PRPF8: variants seen among roughly 807,000 people sequenced by gnomAD.
PRPF8 encodes pre-mRNA-processing-splicing factor 8.
A neutral mutation model predicts 285.9 loss-of-function variants in PRPF8; 64 were observed. The observed-to-expected ratio is 0.22, with a 90% CI of 0.18 to 0.28. The LOEUF is 0.28. PRPF8 is among the 10% of genes least tolerant of loss of function. The probability of loss-of-function intolerance (pLI) is 1.00; values close to 1 mark genes in which losing one functional copy is unlikely to be tolerated. For missense variants in PRPF8, 1,426 were observed against 3,026.7 expected (o/e 0.47, Z 12.41); for synonymous variants, 1,325 against 1,118.2 (o/e 1.18, Z -3.69).
chr17:1,669,427 C>T (rs531693111), intron 24 of PRPF8, among the ~76,000 whole-genome samples: 1 of 152,238 alleles, frequency 6.6e-6, no homozygotes, highest in East Asian at 1.9e-4. Context: ...TTCTCTTGTA[C>T]ACTCAACTGC....
chr17:1,673,123 C>G lies in PRPF8; in HGVS notation c.3732G>C (p.Val1244=), dbSNP rs752174610. The part of the protein sequence containing the change: ...DESMQRFHNR[V]RQILMASGST... ...ACCCAGAGGCCATGAGAATCTGACG[C>G]ACGCGGTTGTGGAAGCGCTGCATTG... Residue 1244 remains valine (V), a synonymous_variant, in exon 24 of 43, where the codon GTG becomes GTC. Coordinates refer to ENST00000304992, the MANE Select transcript of PRPF8 (RefSeq NM_006445.4). The surrounding 1 kb of genome is among the most constrained non-coding windows in gnomAD (Gnocchi z 5.5). 2 of 1,614,234 alleles carry G rather than the reference C, an allele frequency of 1.2e-6. No homozygotes were observed. Among genetic ancestry groups the G allele is most frequent in the Admixed American group, 3.3e-5 (2 of 60,024 alleles).
At chr17:1,672,983 G>A (rs1002026641) in intron 24 of PRPF8, 98 bp downstream of exon 24, 3 of 1,119,368 alleles carry the variant, frequency 2.7e-6, no homozygotes, top group African/African-American at 1.5e-5. Flanking sequence ...AAGCAAAGAA[G>A]AGAAGGAAGC....
intron 24 of PRPF8, among the ~76,000 whole-genome samples, chr17:1,671,850 C>CAAAA (rs1225346730): frequency 2.0e-5 from 1 of 49,816 alleles, no homozygotes; most frequent in African/African-American, 7.4e-5. Context: ...GACTCCATCT[C>CAAAA]AAAAAAAAAA....
In PRPF8 at chr17:1,658,490, A is replaced by G. The variant is rs538232982; in HGVS notation, c.5376+36T>C. On this transcript the variant is annotated intron_variant, in intron 33 of 42. Transcript: ENST00000304992. The surrounding 1 kb of genome is among the most constrained non-coding windows in gnomAD (Gnocchi z 4.1). ...CCATTACTCTCCCACAGCCATGTAC[A>G]GAGTCCCGCACCTATACACTGCTGC... 9.3e-6 allele frequency: 15 copies of G among 1,613,014 alleles called. No individual in the cohort carries two copies. The African/African-American group carries it at 1.5e-4, about 16-fold the overall frequency.
intron 37 of PRPF8, chr17:1,654,299 C>G: frequency 1.7e-6 from 1 of 575,270 alleles, no homozygotes; most frequent in Admixed American, 3.0e-5. Flanking sequence ...TGGAACTGTT[C>G]TCAGAAATGG....
intron 8 of PRPF8, among the ~76,000 whole-genome samples, chr17:1,680,327 A>G (rs978552915): frequency 2.0e-5 from 3 of 152,228 alleles, no homozygotes; most frequent in African/African-American, 7.2e-5. Context: ...AGTAATAAAA[A>G]TATTCTCAAA....
intron 39 of PRPF8, chr17:1,652,284 G>GC: frequency 1.1e-5 from 3 of 283,744 alleles, no homozygotes; most frequent in South Asian, 1.1e-4. Flanking sequence ...TGTCAGCAAG[G>GC]CTGGAGTGCA....
At position 1,656,247 on chromosome 17, in the gene PRPF8, G is replaced by C. The variant is rs576767247; in HGVS notation, c.5793+145C>G. ...CCCAAGAGTTGATTTTTAACTTTAA[G>C]GTCTTAAACTCTCATGAAAGTCAAC... is the stretch of plus-strand genomic sequence containing the variant. On this transcript the variant is annotated intron_variant, in intron 36 of 42. Transcript: ENST00000304992. The C allele has an allele frequency of 4.9e-5, 53 of 1,077,074 alleles. 1 individual carries two copies. In the South Asian group the frequency reaches 6.4e-4, roughly 13 times the overall value. 66.7% of individuals were successfully genotyped at this position (1,077,074 alleles called of 1,614,324 possible).
At chr17:1,670,267 ATTTC>A (rs1041512730) in intron 24 of PRPF8, among the ~76,000 whole-genome samples, 11 of 152,144 alleles carry the variant, frequency 7.2e-5, no homozygotes, top group South Asian at 2.1e-4. Context: ...CCTAAACTAG[ATTTC>A]TTTATCTTCG....
In PRPF8 at chr17:1,676,896, G is replaced by A. The variant is rs1387691779; in HGVS notation, c.2181+80C>T. ...AAAGAAAAGAGATTGGAGCCAGATA[G>A]CCCCCTAATGATTCCCGAAGTGGTA... On this transcript the variant is annotated intron_variant, in intron 15 of 42. Coordinates refer to ENST00000304992, the MANE Select transcript of PRPF8 (RefSeq NM_006445.4). The surrounding 1 kb of genome is among the most constrained non-coding windows in gnomAD (Gnocchi z 6.3). The A allele has an allele frequency of 3.9e-6, 6 of 1,539,092 alleles. No homozygotes were observed. The highest frequency in any genetic ancestry group is 1.1e-5 in the South Asian group (1 of 89,558).
Position 1,679,450 on chromosome 17 carries a change from T to C in PRPF8, c.1290-40A>G. 1 of 1,611,836 alleles carries C rather than the reference T, an allele frequency of 6.2e-7. No homozygotes were observed. The highest frequency in any genetic ancestry group is 1.1e-5 in the South Asian group (1 of 90,992). ...CCACCAGAGTTTGGCCATCTCTTCT[T>C]CCAGACACTCTGCTAAAGGCTGCAA... is the stretch of plus-strand genomic sequence containing the variant. On this transcript the variant is annotated intron_variant, in intron 9 of 42. Coordinates refer to ENST00000304992, the MANE Select transcript of PRPF8 (RefSeq NM_006445.4). The surrounding 1 kb of genome is among the most constrained non-coding windows in gnomAD (Gnocchi z 4.7).
rs1209742977 is a variant in PRPF8 at position 1,659,936 on chromosome 17, T to G, written c.4851A>C (p.Arg1617=). The change falls in exon 31 of 43, where the codon CGA becomes CGC. Residue 1617 remains arginine (R), a synonymous_variant. Coordinates refer to ENST00000304992, the MANE Select transcript of PRPF8 (RefSeq NM_006445.4). The surrounding 1 kb of genome is among the most constrained non-coding windows in gnomAD (Gnocchi z 5.1). ...ETVQKETIHP[R]KSYKMNSSCA... ...AGGAAGAGTTCATCTTATATGACTT[T>G]CGGGGATGGATTGTCTCCTTTTGTA... 1.2e-6 allele frequency: 2 copies of G among 1,614,126 alleles called. No individual in the cohort carries two copies. The highest frequency in any genetic ancestry group is 2.2e-5 in the South Asian group (2 of 91,082).
chr17:1,683,607 A>G lies in PRPF8; in HGVS notation c.195T>C (p.His65=), dbSNP rs1913057093. ...CATGGTCTCGAATGATCTTCCTGAC[A>G]TGTTCTGGGGGCATGTCTTCCTTCT... ...DAQKEDMPPE[H]VRKIIRDHGD... The change falls in exon 3 of 43, where the codon CAT becomes CAC. Residue 65 remains histidine, a synonymous_variant. Transcript: ENST00000304992. 5 of 1,614,108 alleles carry G rather than the reference A, an allele frequency of 3.1e-6. No homozygotes were observed. The highest frequency in any genetic ancestry group is 4.2e-6 in the Non-Finnish European group (5 of 1,180,020).
At chr17:1,652,674 T>TC (rs1454327411) in intron 39 of PRPF8, 1 of 151,666 alleles carries the variant, frequency 6.6e-6, no homozygotes, top group Non-Finnish European at 1.5e-5. Context: ...GCCTCCTGAG[T>TC]AGCTGAGATT....
chr17:1,661,653 G>GTGCATTGATT lies in PRPF8; in HGVS notation c.4159_4160insAATCAATGCA (p.Ala1387GlufsTer5). 1 of 1,613,886 alleles carries GTGCATTGATT rather than the reference G, an allele frequency of 6.2e-7. No individual in the cohort carries two copies. Among genetic ancestry groups the GTGCATTGATT allele is most frequent in the Non-Finnish European group, 8.5e-7 (1 of 1,180,026 alleles). On this transcript the variant is annotated frameshift_variant, in exon 26 of 43. Transcript: ENST00000304992. LOFTEE classifies it high-confidence loss of function. This position sits in a 1 kb window ranked among gnomAD's most constrained non-coding sequence, Gnocchi z 7.3. ...CTCTTGCCTCTTGAGTGCGTACTCAGCCCAGACCCGCTGAGAATCAATGAA... is the reference window on the plus strand; with the variant it reads ...CTCTTGCCTCTTGAGTGCGTACTCAGTGCATTGATTCCCAGACCCGCTGAGAATCAATGAA...
At chr17:1,654,220 C>CA in intron 37 of PRPF8, 6 of 712,738 alleles carry the variant, frequency 8.4e-6, no homozygotes, top group Non-Finnish European at 1.2e-5. Flanking sequence ...CAGCACACTG[C>CA]GTGTGCACCT....
intron 3 of PRPF8, chr17:1,683,097 G>A (rs1049772086): frequency 2.6e-5 from 7 of 264,278 alleles, no homozygotes; most frequent in African/African-American, 9.0e-5. Flanking sequence ...CCAGGTTCAC[G>A]CCATTCTCCT....
chr17:1,659,012 T>C lies in PRPF8; in HGVS notation c.5139-249A>G. The C allele has an allele frequency of 1.8e-6, 1 of 556,204 alleles. No individual in the cohort carries two copies. The highest frequency in any genetic ancestry group is 3.3e-5 in the Admixed American group (1 of 30,358). The allele number at this position is 556,204 out of a possible 1,614,324, so 34.5% of individuals were successfully genotyped here. On this transcript the variant is annotated intron_variant, in intron 32 of 42. Transcript: ENST00000304992. This position sits in a 1 kb window ranked among gnomAD's most constrained non-coding sequence, Gnocchi z 5.1. ...AGCTAATGGAAAATACACGGATTAT[T>C]TATTTATTTATTATTATTATTATTT...
In PRPF8 at chr17:1,656,446, C is replaced by A. The variant is rs1911394288; in HGVS notation, c.5739G>T (p.Gln1913His). Residue 1913 changes from glutamine (Q) to histidine (H), a missense_variant, in exon 36 of 43, where the codon CAG becomes CAT. Gln to His is a conservative substitution (Grantham distance 24, BLOSUM62 0). This residue lies in a region of PRPF8 where 29 missense variants were observed against 86.4 expected (regional missense o/e 0.34). Transcript: ENST00000304992. ...CGTCATAGAGGTTGAAGAGAACCAT[C>A]TGGGGCTCAGTGGCTTTAAGGATGA... The part of the protein sequence containing the change: ...GDLILKATEP[Q>H]MVLFNLYDDW... 1 of 1,614,076 alleles carries A rather than the reference C, an allele frequency of 6.2e-7. No homozygotes were observed. The highest frequency in any genetic ancestry group is 8.5e-7 in the Non-Finnish European group (1 of 1,180,036).
Sources: allele counts gnomAD v4.1 joint callset (sites outside exome capture counted in the v4.1 genomes callset), GRCh38; gene constraint gnomAD v4.1.1; regional missense constraint gnomAD v4.1.1; non-coding constraint Gnocchi (gnomAD v3.1); transcripts MANE v1.5; gene names NCBI Gene and HGNC (gene_info 2026-07-23, HGNC 2026-07-21).